The following RPTOR variants were observed in gnomAD, a reference collection of about 807,000 sequenced individuals.
The protein encoded by RPTOR is regulatory associated protein of MTOR complex 1.
In RPTOR, 21 loss-of-function variants were observed where a neutral mutation model predicts 169.9. The ratio of observed to expected loss-of-function variants is 0.12; its 90% CI spans 0.09 to 0.18. The LOEUF (loss-of-function observed/expected upper bound fraction) is 0.18, where lower values mean the gene tolerates loss of function less well. RPTOR is among the 10% of genes least tolerant of loss of function. The probability of loss-of-function intolerance (pLI) is 1.00; values close to 1 mark genes in which losing one functional copy is unlikely to be tolerated. For synonymous variants in RPTOR, 732 were observed against 753.2 expected (o/e 0.97, Z 0.46); for missense variants, 1,133 against 1,855.9 (o/e 0.61, Z 7.16).
intron 1 of RPTOR, among the ~76,000 whole-genome samples, chr17:80,601,389 G>A (rs2065185552): frequency 3.3e-5 from 1 of 29,998 alleles, no homozygotes; most frequent in Non-Finnish European, 7.3e-5. Context: ...CGCAGCGCCG[G>A]CGGGCCGCTC....
At chr17:80,564,370 A>G (rs1833523601) in intron 1 of RPTOR, among the ~76,000 whole-genome samples, 1 of 152,136 alleles carries the variant, frequency 6.6e-6, no homozygotes, top group Admixed American at 6.6e-5. Context: ...CATGTATCTA[A>G]TATGTCTCTG....
At chr17:80,570,339 T>G (rs1196497361) in intron 1 of RPTOR, among the ~76,000 whole-genome samples, 1 of 152,126 alleles carries the variant, frequency 6.6e-6, no homozygotes, top group East Asian at 1.9e-4. Flanking sequence ...CTGGAAGTGG[T>G]AGTCCCCCCA....
intron 24 of RPTOR, among the ~76,000 whole-genome samples, chr17:80,937,387 G>GC (rs1238370066): frequency 3.3e-5 from 5 of 152,106 alleles, no homozygotes; most frequent in Non-Finnish European, 7.4e-5. Context: ...TCCCAAAACT[G>GC]CCCCAAACTG....
At chr17:80,768,584 G>C (rs546535147) in intron 6 of RPTOR, among the ~76,000 whole-genome samples, 1 of 151,968 alleles carries the variant, frequency 6.6e-6, no homozygotes, top group Non-Finnish European at 1.5e-5. Context: ...GCCTGTCCCA[G>C]GCCTCCTCAC....
intron 4 of RPTOR, among the ~76,000 whole-genome samples, chr17:80,711,062 A>G (rs2066185646): frequency 6.6e-6 from 1 of 152,158 alleles, no homozygotes; most frequent in Non-Finnish European, 1.5e-5. Context: ...AGCTTTGCCA[A>G]CTGACTTTTG....
intron 13 of RPTOR, 175 bp downstream of exon 13, chr17:80,858,075 C>G: frequency 1.6e-6 from 1 of 619,564 alleles, no homozygotes; most frequent in Non-Finnish European, 2.9e-6. Flanking sequence ...GCAGCCACCT[C>G]TGGGTCGTGG....
At position 80,650,468 on chromosome 17, in the gene RPTOR, C is replaced by G. The variant is rs931971630; in HGVS notation, c.348+6658C>G. ...CGCCCCTCTCACTGGTAGGGGAGCTCCCTGGGAAATGTGGTCTCCTTTCTA... is the reference window on the plus strand; with the variant it reads ...CGCCCCTCTCACTGGTAGGGGAGCTGCCTGGGAAATGTGGTCTCCTTTCTA... On this transcript the variant is annotated intron_variant, in intron 3 of 33. Transcript: ENST00000306801. Among the ~76,000 whole-genome samples, 7 of 152,278 alleles carry G rather than the reference C, an allele frequency of 4.6e-5. No individual in the cohort carries two copies. In the East Asian group the frequency reaches 1.3e-3, roughly 29 times the overall value.
At position 80,937,250 on chromosome 17, in the gene RPTOR, T is replaced by C. The variant is rs189759295; in HGVS notation, c.2920-3246T>C. On this transcript the variant is annotated intron_variant, in intron 24 of 33. Coordinates refer to ENST00000306801, the MANE Select transcript of RPTOR (RefSeq NM_020761.3). ...TCCCCTTTTGCCTTCACCCAAGTCTTTCTCAATCTTGATAGTCATGTACCT... is the reference window on the plus strand; with the variant it reads ...TCCCCTTTTGCCTTCACCCAAGTCTCTCTCAATCTTGATAGTCATGTACCT... Among the ~76,000 whole-genome samples the C allele has an allele frequency of 2.4e-3, 371 of 152,236 alleles. 4 individuals carry two copies. The highest frequency in any genetic ancestry group is 8.5e-3 in the African/African-American group (354 of 41,524).
chr17:80,965,652 T>C lies in RPTOR; in HGVS notation c.*1322T>C, dbSNP rs1369185037. 8.6e-6 allele frequency: 2 copies of C among 233,120 alleles called. No individual in the cohort carries two copies. Among genetic ancestry groups the C allele is most frequent in the African/African-American group, 2.2e-5 (1 of 45,304 alleles). The allele number at this position is 233,120 out of a possible 1,614,324, so 14.4% of individuals were successfully genotyped here. A position where few individuals can be genotyped will look rare whatever the true frequency, so the allele number is the denominator to read the frequency against. ...GAGAGCTGGTGTGGCGAGGCCCGGC[T>C]CTCCTGCGGTGTGGCTGGTGGCCTG... is the stretch of plus-strand genomic sequence containing the variant. On this transcript the variant is annotated 3_prime_UTR_variant, in exon 34 of 34. Coordinates refer to ENST00000306801, the MANE Select transcript of RPTOR (RefSeq NM_020761.3).
intron 3 of RPTOR, among the ~76,000 whole-genome samples, chr17:80,665,785 TC>T (rs752805016): frequency 9.9e-5 from 15 of 152,068 alleles, no homozygotes; most frequent in Non-Finnish European, 1.6e-4. Flanking sequence ...GACCTCGTGA[TC>T]CGCCCACTTT....
At chr17:80,634,221 CGTGTGTGT>C (rs2065466942) in intron 2 of RPTOR, among the ~76,000 whole-genome samples, 1 of 54,992 alleles carries the variant, frequency 1.8e-5, no homozygotes, top group Non-Finnish European at 3.5e-5. Flanking sequence ...ATACTGTGTG[CGTGTGTGT>C]ACTGTGTGTG....
chr17:80,960,705 G>A lies in RPTOR; in HGVS notation c.3605+500G>A, dbSNP rs74001163. ...GCTGTCCGCGTCTGGCAGAGGACAG[G>A]GTACACGCATGGGCACAGCAGCCCT... On this transcript the variant is annotated intron_variant, in intron 30 of 33. Transcript: ENST00000306801. This position sits in a 1 kb window ranked among gnomAD's most constrained non-coding sequence, Gnocchi z 4.8. 3.1e-3 allele frequency: 602 copies of A among 191,440 alleles called. 7 individuals are homozygous for A. The highest frequency in any genetic ancestry group is 0.013 in the African/African-American group (568 of 43,156). 11.9% of individuals were successfully genotyped at this position (191,440 alleles called of 1,614,324 possible). A position where few individuals can be genotyped will look rare whatever the true frequency, so the allele number is the denominator to read the frequency against.
intron 3 of RPTOR, among the ~76,000 whole-genome samples, chr17:80,644,993 CTTAAA>C (rs2143601712): frequency 6.6e-6 from 1 of 152,260 alleles, no homozygotes; most frequent in South Asian, 2.1e-4. Flanking sequence ...TTTTTCCTCT[CTTAAA>C]TTGGTTGCCT....
At chr17:80,693,191 G>A (rs530149624) in intron 3 of RPTOR, among the ~76,000 whole-genome samples, 10 of 152,202 alleles carry the variant, frequency 6.6e-5, no homozygotes, top group Non-Finnish European at 8.8e-5. Flanking sequence ...TGTGGTGGTC[G>A]TGTGCTCATG....
At chr17:80,570,754 C>T (rs1250012820) in intron 1 of RPTOR, among the ~76,000 whole-genome samples, 1 of 152,190 alleles carries the variant, frequency 6.6e-6, no homozygotes, top group African/African-American at 2.4e-5. Flanking sequence ...AGCTACCATG[C>T]TGGGCCTGAT....
intron 24 of RPTOR, among the ~76,000 whole-genome samples, chr17:80,939,807 G>A (rs140927011): frequency 1.3e-5 from 2 of 152,150 alleles, no homozygotes; most frequent in East Asian, 1.9e-4. Context: ...TGTTTGAAGC[G>A]GCATTCGGTG....
At chr17:80,777,249 GAA>G (rs927325280) in intron 6 of RPTOR, among the ~76,000 whole-genome samples, 1 of 149,438 alleles carries the variant, frequency 6.7e-6, no homozygotes, top group East Asian at 1.9e-4. Context: ...AAAAAAAAAA[GAA>G]AAAAGAAAGT....
chr17:80,597,835 T>C (rs973777667), intron 1 of RPTOR, among the ~76,000 whole-genome samples: 4 of 152,052 alleles, frequency 2.6e-5, no homozygotes, highest in Non-Finnish European at 5.9e-5. Context: ...GTTTTTGGTT[T>C]TTTTTTTCCT....
chr17:80,862,184 GTAA>G (rs1312972766), intron 13 of RPTOR, among the ~76,000 whole-genome samples: 2 of 152,078 alleles, frequency 1.3e-5, no homozygotes, highest in African/African-American at 4.8e-5. Context: ...CAGTGTTCTT[GTAA>G]CTGCCTGCAG....
Sources: gnomAD v4.1 joint callset for allele counts (sites outside exome capture counted in the v4.1 genomes callset) on GRCh38, gnomAD v4.1.1 for gene constraint, Gnocchi (gnomAD v3.1) non-coding constraint, MANE v1.5 for transcripts, NCBI Gene and HGNC (gene_info 2026-07-23, HGNC 2026-07-21) for gene names.